The following SBF2 variants were observed in gnomAD, a reference collection of about 807,000 sequenced individuals.
SBF2 encodes the protein SET binding factor 2.
Under a neutral mutation model 225.2 loss-of-function variants are expected in SBF2, and 112 were observed. The observed-to-expected ratio is 0.50, with a 90% CI of 0.43 to 0.58. The LOEUF is 0.58. Ranked by LOEUF, SBF2 falls within the 20% of genes least tolerant of loss-of-function variation. The pLI is 0.00. For missense variants in SBF2, 1,996 were observed against 2,206.2 expected (o/e 0.90, Z 1.91); for synonymous variants, 763 against 773.3 (o/e 0.99, Z 0.22).
intron 13 of SBF2, among the ~76,000 whole-genome samples, chr11:9,982,240 C>G (rs1395373162): frequency 6.6e-6 from 1 of 152,180 alleles, no homozygotes; most frequent in Non-Finnish European, 1.5e-5. Context: ...AGTGCCAAGC[C>G]AAAGCAGAGG....
intron 1 of SBF2, among the ~76,000 whole-genome samples, chr11:10,241,351 C>CA (rs1234788724): frequency 2.5e-4 from 38 of 149,800 alleles, no homozygotes; most frequent in Admixed American, 1.9e-3. Flanking sequence ...GAGACTGTCT[C>CA]AAAAAAAAGA....
Position 9,842,739 on chromosome 11 carries a change from T to C in SBF2, c.3142A>G (p.Lys1048Glu). Residue 1048 changes from lysine (K) to glutamate (E), a missense_variant, in exon 25 of 40, where the codon AAA (lysine) becomes GAA (glutamate). Transcript: ENST00000256190. ...CCAATTGTCATTTTCCCTGCCCTTT[T>C]GGCACCTTTCACAATTGTTTTTGAG... ...TFSKTIVKGA[K>E]RAGKMTIGRQ... 1.2e-6 allele frequency: 2 copies of C among 1,614,164 alleles called. No individual in the cohort carries two copies. Among genetic ancestry groups the C allele is most frequent in the Non-Finnish European group, 1.7e-6 (2 of 1,180,014 alleles).
chr11:10,104,088 GAAA>G (rs760922615), intron 2 of SBF2, among the ~76,000 whole-genome samples: 3 of 122,046 alleles, frequency 2.5e-5, no homozygotes, highest in African/African-American at 3.0e-5. Flanking sequence ...CCCTGTCTCA[GAAA>G]AAAAAAAAAA....
At chr11:9,941,534 A>T (rs1457846995) in intron 16 of SBF2, among the ~76,000 whole-genome samples, 1 of 152,232 alleles carries the variant, frequency 6.6e-6, no homozygotes, top group Admixed American at 6.5e-5. Flanking sequence ...TTGAGAAATT[A>T]TAAACTGATT....
At chr11:9,825,228 G>T (rs1464727115) in intron 28 of SBF2, among the ~76,000 whole-genome samples, 2 of 152,092 alleles carry the variant, frequency 1.3e-5, no homozygotes, top group African/African-American at 4.8e-5. Flanking sequence ...AGACACAGAG[G>T]GAGAATGCCA....
chr11:10,124,398 A>C (rs927926506), intron 2 of SBF2, among the ~76,000 whole-genome samples: 3 of 152,222 alleles, frequency 2.0e-5, no homozygotes, highest in African/African-American at 7.2e-5. Flanking sequence ...TCCTAGAGAA[A>C]GCAGAAACCC....
At chr11:9,871,116 G>A (rs779414554) in intron 17 of SBF2, among the ~76,000 whole-genome samples, 2 of 151,968 alleles carry the variant, frequency 1.3e-5, no homozygotes, top group Non-Finnish European at 2.9e-5. Flanking sequence ...AGCACCAAAA[G>A]CAATTGCAAC....
chr11:9,884,514 T>A (rs1860095767), intron 17 of SBF2, among the ~76,000 whole-genome samples: 1 of 152,210 alleles, frequency 6.6e-6, no homozygotes, highest in Non-Finnish European at 1.5e-5. Context: ...TCCCCCTGCT[T>A]TTCTCCATTG....
chr11:9,940,344 G>A (rs914084638), intron 16 of SBF2, among the ~76,000 whole-genome samples: 1 of 152,136 alleles, frequency 6.6e-6, no homozygotes, highest in African/African-American at 2.4e-5. Context: ...GGCGGAGCTT[G>A]CAGTGAGCCA....
At chr11:10,042,822 T>C (rs1443499419) in intron 3 of SBF2, 22 bp downstream of exon 3, 1 of 1,613,028 alleles carries the variant, frequency 6.2e-7, no homozygotes, top group Non-Finnish European at 8.5e-7. Context: ...GACTGTACTT[T>C]AGCTAGTAAA....
chr11:9,820,410 G>A (rs1430591044), intron 28 of SBF2, among the ~76,000 whole-genome samples: 1 of 152,128 alleles, frequency 6.6e-6, no homozygotes, highest in African/African-American at 2.4e-5. Flanking sequence ...CGAAGGCTTG[G>A]GACATGGCCA....
At chr11:9,871,196 A>G (rs1858704757) in intron 17 of SBF2, among the ~76,000 whole-genome samples, 1 of 152,070 alleles carries the variant, frequency 6.6e-6, no homozygotes, top group South Asian at 2.1e-4. Flanking sequence ...AACTATCATC[A>G]GAGTGAACAG....
At chr11:9,805,674 G>A (rs1564870140) in intron 32 of SBF2, among the ~76,000 whole-genome samples, 1 of 152,082 alleles carries the variant, frequency 6.6e-6, no homozygotes, top group South Asian at 2.1e-4. Flanking sequence ...CCAGGCTGCA[G>A]TGCAGTGGGG....
intron 18 of SBF2, among the ~76,000 whole-genome samples, chr11:9,857,009 G>C (rs1280353539): frequency 6.6e-6 from 1 of 152,144 alleles, no homozygotes; most frequent in East Asian, 1.9e-4. Context: ...GGATGGTCTC[G>C]ATCTCCTGAC....
At chr11:10,012,335 TCTCA>T (rs1394715457) in intron 6 of SBF2, among the ~76,000 whole-genome samples, 1 of 152,112 alleles carries the variant, frequency 6.6e-6, no homozygotes, top group East Asian at 1.9e-4. Context: ...AGAGATGAGT[TCTCA>T]CTATGTTTCT....
chr11:9,835,465 T>C (rs1375409521), intron 26 of SBF2, among the ~76,000 whole-genome samples: 1 of 151,166 alleles, frequency 6.6e-6, no homozygotes, highest in East Asian at 1.9e-4. Context: ...CAAAAATAAA[T>C]AAATAAAATA....
Position 9,839,394 on chromosome 11 carries a change from G to C in SBF2, c.3455+104C>G, listed in dbSNP as rs115044313. 3.2e-4 allele frequency: 361 copies of C among 1,138,956 alleles called. 1 individual carries two copies. The African/African-American group carries it at 4.9e-3, about 16-fold the overall frequency. The allele number at this position is 1,138,956 out of a possible 1,614,324, so 70.6% of individuals were successfully genotyped here. On this transcript the variant is annotated intron_variant, in intron 26 of 39. Coordinates refer to ENST00000256190, the MANE Select transcript of SBF2 (RefSeq NM_030962.4). ...CTGGAGACCTTGTTCTTATTTTCAG[G>C]CATTTTTATCTATCTCAGGGCTATG...
chr11:9,930,931 C>T (rs947489302), intron 16 of SBF2, among the ~76,000 whole-genome samples: 1 of 152,262 alleles, frequency 6.6e-6, no homozygotes, highest in Non-Finnish European at 1.5e-5. Context: ...TAGCAACTGG[C>T]AGACAAGAAG....
chr11:10,263,813 A>C (rs1400681387), intron 1 of SBF2, among the ~76,000 whole-genome samples: 1 of 152,226 alleles, frequency 6.6e-6, no homozygotes, highest in Non-Finnish European at 1.5e-5. Context: ...CCTTACGGAA[A>C]AGGTGAGGAA....
Sources: gnomAD v4.1 joint callset for allele counts (sites outside exome capture counted in the v4.1 genomes callset) on GRCh38, gnomAD v4.1.1 for gene constraint, MANE v1.5 for transcripts, NCBI Gene and HGNC (gene_info 2026-07-23, HGNC 2026-07-21) for gene names.